Variants in CNOT1 observed in about 807,000 individuals in gnomAD.
CNOT1 encodes CCR4-associated factor 1.
A neutral mutation model predicts 273.8 loss-of-function variants in CNOT1; 15 were observed. The observed-to-expected ratio is 0.05, with a 90% CI of 0.04 to 0.08. The LOEUF (loss-of-function observed/expected upper bound fraction) is 0.08, where lower values mean the gene tolerates loss of function less well. Among genes scored for constraint, CNOT1 ranks in the 10% least tolerant of loss-of-function variants. The pLI, the probability that CNOT1 is intolerant of heterozygous loss-of-function variation, is 1.00. For synonymous variants in CNOT1, 1,022 were observed against 1,005.5 expected, an observed-to-expected ratio of 1.02 and a Z score of -0.31; for missense variants, 1,644 against 2,912.2, an observed-to-expected ratio of 0.56 and a Z score of 10.02.
At chr16:58,568,876 G>C (rs2041161013) in intron 16 of CNOT1, among the ~76,000 whole-genome samples, 1 of 152,122 alleles carries the variant, frequency 6.6e-6, no homozygotes, top group African/African-American at 2.4e-5. Context: ...GTTCAGGAAA[G>C]TCACTAAACA....
At chr16:58,554,825 A>C (rs1288931525) in intron 21 of CNOT1, among the ~76,000 whole-genome samples, 2 of 150,438 alleles carry the variant, frequency 1.3e-5, no homozygotes, top group African/African-American at 4.9e-5. Flanking sequence ...AATCCCAGCT[A>C]CTTGAGAGGC....
intron 13 of CNOT1, 80 bp downstream of exon 13, chr16:58,578,619 C>A: frequency 3.9e-6 from 6 of 1,527,680 alleles, no homozygotes; most frequent in Middle Eastern, 1.8e-4. Flanking sequence ...AAAAAAATTT[C>A]TCTGGTTGAG....
intron 1 of CNOT1, among the ~76,000 whole-genome samples, chr16:58,627,138 G>A (rs1597636696): frequency 1.3e-5 from 2 of 152,040 alleles, no homozygotes; most frequent in South Asian, 4.2e-4. Context: ...GCTGGGCACC[G>A]TGGCTCACGT....
At position 58,606,922 on chromosome 16, in the gene CNOT1, TGG is replaced by T. The variant is rs11318549; in HGVS notation, c.-174-7413_-174-7412del. On this transcript the variant is annotated intron_variant, in intron 1 of 48. Coordinates refer to ENST00000317147, the MANE Select transcript of CNOT1 (RefSeq NM_016284.5). ...CATAAACCACTACCTACTGCAGAGCTGGGGGGGGGAAAGGATTATAAAATGGC... is the reference window on the plus strand; with the variant it reads ...CATAAACCACTACCTACTGCAGAGCTGGGGGGGAAAGGATTATAAAATGGC... Among the ~76,000 whole-genome samples the T allele has an allele frequency of 6.7e-4, 102 of 151,724 alleles. 1 individual carries two copies. The highest frequency in any genetic ancestry group is 1.8e-3 in the Admixed American group (27 of 15,180).
At chr16:58,620,950 T>G (rs1347077856) in intron 1 of CNOT1, among the ~76,000 whole-genome samples, 1 of 151,992 alleles carries the variant, frequency 6.6e-6, no homozygotes, top group African/African-American at 2.4e-5. Flanking sequence ...ATAAAGAAAC[T>G]ATAATGGAGA....
chr16:58,523,240 G>A lies in CNOT1; in HGVS notation c.6917+130C>T, dbSNP rs138162447. On this transcript the variant is annotated intron_variant, in intron 47 of 48. Coordinates refer to ENST00000317147, the MANE Select transcript of CNOT1 (RefSeq NM_016284.5). ...AGACTGAGTGACAGAGCAACACTCC[G>A]TCTCAAAAAAACAAAAAAAAAACCA... The A allele has an allele frequency of 2.6e-4, 251 of 958,198 alleles. 6 individuals are homozygous for A. The South Asian group carries it at 4.7e-3, about 18-fold the overall frequency. 59.4% of individuals were successfully genotyped at this position (958,198 alleles called of 1,614,324 possible).
intron 44 of CNOT1, among the ~76,000 whole-genome samples, chr16:58,526,815 C>G (rs2039600981): frequency 9.9e-6 from 1 of 101,346 alleles, no homozygotes. Flanking sequence ...GAAACTCCGT[C>G]TCAAAAAAAA....
chr16:58,605,400 G>A (rs550728411), intron 1 of CNOT1, among the ~76,000 whole-genome samples: 3 of 152,050 alleles, frequency 2.0e-5, no homozygotes, highest in East Asian at 1.9e-4. Flanking sequence ...CTACTCAGGA[G>A]GCTGAGGCAG....
chr16:58,530,192 G>T, intron 43 of CNOT1, 54 bp downstream of exon 43: 1 of 1,410,236 alleles, frequency 7.1e-7, no homozygotes, highest in South Asian at 1.3e-5. Context: ...TTCCTAAAGT[G>T]TATTTTCTTA....
At chr16:58,588,940 G>GAAA in intron 2 of CNOT1, 34 bp from the exon 3 acceptor site, 1 of 1,499,038 alleles carries the variant, frequency 6.7e-7, no homozygotes, top group Non-Finnish European at 8.9e-7. Context: ...TTTAATAAGG[G>GAAA]AAGATAAAAC....
chr16:58,624,850 T>C (rs976289400), intron 1 of CNOT1: 3 of 152,164 alleles, frequency 2.0e-5, no homozygotes, highest in Non-Finnish European at 4.4e-5. Flanking sequence ...ATATTAAGTC[T>C]ACACCTCTAA....
At chr16:58,561,711 G>T (rs1440313005) in intron 16 of CNOT1, among the ~76,000 whole-genome samples, 1 of 152,174 alleles carries the variant, frequency 6.6e-6, no homozygotes, top group Non-Finnish European at 1.5e-5. Flanking sequence ...TAGCATTTCG[G>T]AGTTTGAATT....
At chr16:58,620,653 T>TA (rs200053031) in intron 1 of CNOT1, among the ~76,000 whole-genome samples, 10,069 of 106,274 alleles carry the variant, frequency 0.095, 563 homozygotes, top group South Asian at 0.16. Context: ...CTGTCTCATT[T>TA]AAAAAAAAAA....
In CNOT1 at chr16:58,602,553, C is replaced by CAAAAAAAAAAA. The variant is rs60230860; in HGVS notation, c.-174-3053_-174-3043dup. On this transcript the variant is annotated intron_variant, in intron 1 of 48. Coordinates refer to ENST00000317147, the MANE Select transcript of CNOT1 (RefSeq NM_016284.5). ...GGGCAACAGAGCAAGACTCTGTCTC[C>CAAAAAAAAAAA]AAAAAAAAAAAAAAAAAAAAAAAAC... Among the ~76,000 whole-genome samples the CAAAAAAAAAAA allele has an allele frequency of 1.5e-3, 87 of 57,974 alleles. 5 individuals are homozygous for CAAAAAAAAAAA. Among genetic ancestry groups the CAAAAAAAAAAA allele is most frequent in the African/African-American group, 6.9e-3 (84 of 12,174 alleles). The allele number at this position is 57,974 out of a possible 152,430, so 38.0% of individuals were successfully genotyped here.
chr16:58,528,015 AGGCGG>A (rs1417307802), intron 44 of CNOT1: 4 of 365,704 alleles, frequency 1.1e-5, no homozygotes, highest in Non-Finnish European at 2.2e-5. Context: ...TGGGAGGCTG[AGGCGG>A]GAGAATAGCT....
intron 1 of CNOT1, among the ~76,000 whole-genome samples, chr16:58,628,998 C>T (rs1480184153): frequency 3.9e-5 from 6 of 152,238 alleles, no homozygotes; most frequent in Admixed American, 2.6e-4. Context: ...GACACTTGTC[C>T]TGGGTGAGCA....
intron 1 of CNOT1, among the ~76,000 whole-genome samples, chr16:58,626,858 T>C (rs2043607698): frequency 6.6e-6 from 1 of 152,068 alleles, no homozygotes; most frequent in Non-Finnish European, 1.5e-5. Flanking sequence ...TTCTTTTTTG[T>C]AAAGACAGGG....
chr16:58,623,408 A>G (rs1210331784), intron 1 of CNOT1: 2 of 152,092 alleles, frequency 1.3e-5, no homozygotes, highest in Non-Finnish European at 2.9e-5. Context: ...GGTGCTGGTC[A>G]CCTGAAAGAT....
At chr16:58,584,334 T>TAGTCTCGCTTTTTTTTGACGA (rs1210083643) in intron 8 of CNOT1, among the ~76,000 whole-genome samples, 5 of 152,128 alleles carry the variant, frequency 3.3e-5, no homozygotes, top group African/African-American at 1.2e-4. Context: ...TTTTTTTTGT[T>TAGTCTCGCTTTTTTTTGACGA]AGTCTCGCTT....
Sources: gnomAD v4.1 joint callset for allele counts (sites outside exome capture counted in the v4.1 genomes callset) on GRCh38, gnomAD v4.1.1 for gene constraint, MANE v1.5 for transcripts, NCBI Gene and HGNC (gene_info 2026-07-23, HGNC 2026-07-21) for gene names.